SLC24A2: variants seen among roughly 807,000 people sequenced by gnomAD.
SLC24A2 encodes sodium/potassium/calcium exchanger 2.
In SLC24A2, 36 loss-of-function variants were observed where a neutral mutation model predicts 62.0. That is an observed-to-expected ratio of 0.58 (90% CI 0.44 to 0.77). SLC24A2 has a LOEUF of 0.77. SLC24A2 is among the 30% of genes least tolerant of loss of function. SLC24A2 has a pLI of 0.00. For synonymous variants in SLC24A2, 358 were observed against 294.0 expected, an observed-to-expected ratio of 1.22 and a Z score of -2.23; for missense variants, 846 against 817.9, an observed-to-expected ratio of 1.03 and a Z score of -0.42.
At chr9:19,979,248 G>T in the SLC24A2 span, among the ~76,000 whole-genome samples, 3 of 152,294 alleles carry the variant, frequency 2.0e-5, no homozygotes, top group East Asian at 1.9e-4. Flanking sequence ...GATTAAAAAT[G>T]CAGGTTCTGG....
the SLC24A2 span, among the ~76,000 whole-genome samples, chr9:20,133,067 G>A: frequency 6.6e-6 from 1 of 152,062 alleles, no homozygotes; most frequent in Admixed American, 6.6e-5. Context: ...CTTTAACTAA[G>A]GGAGAGATTA....
intron 2 of SLC24A2, among the ~76,000 whole-genome samples, chr9:19,716,628 A>C (rs1015227396): frequency 6.6e-6 from 1 of 152,166 alleles, no homozygotes; most frequent in Non-Finnish European, 1.5e-5. Context: ...TCATATCTTA[A>C]GAGACTGCTG....
At chr9:20,014,146 TGC>T in the SLC24A2 span, among the ~76,000 whole-genome samples, 1 of 152,154 alleles carries the variant, frequency 6.6e-6, no homozygotes, top group Non-Finnish European at 1.5e-5. Flanking sequence ...AGGTCAAGGC[TGC>T]AGTGAGCTAT....
chr9:20,277,542 A>G, the SLC24A2 span, among the ~76,000 whole-genome samples: 1 of 152,012 alleles, frequency 6.6e-6, no homozygotes, highest in Non-Finnish European at 1.5e-5. Context: ...ATGAGATACC[A>G]TCTCACACCA....
chr9:19,542,506 T>C (rs1271443532), intron 8 of SLC24A2, among the ~76,000 whole-genome samples: 2 of 152,198 alleles, frequency 1.3e-5, no homozygotes, highest in African/African-American at 4.8e-5. Context: ...GAGGGCATCC[T>C]TGTCTTGTGC....
the SLC24A2 span, among the ~76,000 whole-genome samples, chr9:20,148,744 C>T: frequency 2.6e-5 from 4 of 152,000 alleles, no homozygotes; most frequent in Admixed American, 6.6e-5. Context: ...TAGCACTTGT[C>T]CCTGGACCAA....
chr9:20,082,786 A>G, the SLC24A2 span, among the ~76,000 whole-genome samples: 1 of 152,260 alleles, frequency 6.6e-6, no homozygotes, highest in African/African-American at 2.4e-5. Context: ...TATTTCTAAA[A>G]ACAAGAATTT....
chr9:19,985,354 T>C, the SLC24A2 span, among the ~76,000 whole-genome samples: 5 of 152,220 alleles, frequency 3.3e-5, no homozygotes, highest in South Asian at 2.1e-4. Context: ...TGACAAGGGA[T>C]TGGATAAACA....
intron 2 of SLC24A2, among the ~76,000 whole-genome samples, chr9:19,727,477 G>A (rs557882849): frequency 6.6e-6 from 1 of 151,770 alleles, no homozygotes. Context: ...TATTTATTTT[G>A]TACTGTCTTC....
chr9:19,975,068 C>A, the SLC24A2 span, among the ~76,000 whole-genome samples: 1 of 152,132 alleles, frequency 6.6e-6, no homozygotes, highest in African/African-American at 2.4e-5. Flanking sequence ...ACATGGTCAT[C>A]CCTAAGGGAG....
chr9:20,080,640 A>C, the SLC24A2 span, among the ~76,000 whole-genome samples: 1 of 151,804 alleles, frequency 6.6e-6, no homozygotes, highest in African/African-American at 2.4e-5. Flanking sequence ...ATCTCATTAA[A>C]CAAAAGAGCT....
At chr9:19,832,052 G>C in the SLC24A2 span, among the ~76,000 whole-genome samples, 2 of 152,184 alleles carry the variant, frequency 1.3e-5, no homozygotes, top group Non-Finnish European at 2.9e-5. Context: ...AATAGATTTA[G>C]ATCACATCTT....
the SLC24A2 span, among the ~76,000 whole-genome samples, chr9:20,007,437 T>C: frequency 6.6e-6 from 1 of 152,146 alleles, no homozygotes; most frequent in Non-Finnish European, 1.5e-5. Context: ...ATGCGCCCCA[T>C]GTTTTCTAAG....
At chr9:19,958,480 A>G in the SLC24A2 span, among the ~76,000 whole-genome samples, 1 of 152,222 alleles carries the variant, frequency 6.6e-6, no homozygotes. Flanking sequence ...TCAGGACCCA[A>G]GCCACGGTGT....
the SLC24A2 span, among the ~76,000 whole-genome samples, chr9:20,219,569 T>A: frequency 6.6e-6 from 1 of 152,194 alleles, no homozygotes; most frequent in Non-Finnish European, 1.5e-5. Context: ...AAGCTATTCT[T>A]AATAGTGCCT....
chr9:19,814,446 A>G, the SLC24A2 span, among the ~76,000 whole-genome samples: 1 of 152,174 alleles, frequency 6.6e-6, no homozygotes, highest in East Asian at 1.9e-4. Flanking sequence ...CTTGGTTAAC[A>G]TTTGTTATCA....
At position 19,786,078 on chromosome 9, in the gene SLC24A2, C is replaced by T; in HGVS notation, c.789G>A (p.Trp263Ter). 1 of 1,614,202 alleles carries T rather than the reference C, an allele frequency of 6.2e-7. No homozygotes were observed. The highest frequency in any genetic ancestry group is 8.5e-7 in the Non-Finnish European group (1 of 1,180,040). The change falls in exon 2 of 11, where the codon TGG becomes TGA. Residue 263 changes from tryptophan (W) to a stop codon, truncating the protein, a stop_gained. Transcript: ENST00000341998. LOFTEE classifies it high-confidence loss of function. The surrounding 1 kb of genome is among the most constrained non-coding windows in gnomAD (Gnocchi z 5.0). ...CTGTTAAGAGAAGCAAGCTTTCCCA[C>T]CACATGATGACATTATCCAGGAAAA... ...IIFFLDNVIM[W>*]WESLLLLTAY... is the part of the protein sequence containing the mutation.
At chr9:20,065,035 T>C in the SLC24A2 span, among the ~76,000 whole-genome samples, 1 of 152,216 alleles carries the variant, frequency 6.6e-6, no homozygotes, top group African/African-American at 2.4e-5. Context: ...ATTCCAGAAC[T>C]GGTATCCAAC....
chr9:19,616,745 TAAAC>T (rs1587043245), intron 4 of SLC24A2, among the ~76,000 whole-genome samples: 3 of 152,136 alleles, frequency 2.0e-5, no homozygotes, highest in Non-Finnish European at 4.4e-5. Flanking sequence ...AGGCAATAAA[TAAAC>T]AATCACAGAA....
Sources: gnomAD v4.1 joint callset for allele counts (sites outside exome capture counted in the v4.1 genomes callset) on GRCh38, gnomAD v4.1.1 for gene constraint, Gnocchi (gnomAD v3.1) non-coding constraint, MANE v1.5 for transcripts, NCBI Gene and HGNC (gene_info 2026-07-23, HGNC 2026-07-21) for gene names.